Variants in GPATCH8 observed in about 807,000 individuals in gnomAD.
GPATCH8 encodes G-patch domain containing 8, also known as G patch domain-containing protein 8.
GPATCH8 carries 18 observed loss-of-function variants against 118.3 expected under a neutral mutation model. That is an observed-to-expected ratio of 0.15 (90% CI 0.11 to 0.23). The LOEUF is 0.23. Ranked by LOEUF, GPATCH8 falls within the 10% of genes least tolerant of loss-of-function variation. GPATCH8 has a pLI of 1.00. For missense variants in GPATCH8, 1,631 were observed against 1,873.8 expected, an observed-to-expected ratio of 0.87 and a Z score of 2.39; for synonymous variants, 659 against 684.7, an observed-to-expected ratio of 0.96 and a Z score of 0.59.
intron 5 of GPATCH8, among the ~76,000 whole-genome samples, chr17:44,431,340 C>A (rs1337890033): frequency 7.0e-6 from 1 of 143,332 alleles, no homozygotes; most frequent in South Asian, 2.2e-4. Context: ...TGCCATTGCA[C>A]TCCAGCCTGG....
Position 44,413,569 on chromosome 17 carries a change from G to A in GPATCH8, c.493-7518C>T, listed in dbSNP as rs368143572. Among the ~76,000 whole-genome samples the A allele has an allele frequency of 2.6e-5, 4 of 152,198 alleles. No homozygotes were observed. In the South Asian group the frequency reaches 6.2e-4, roughly 24 times the overall value. On this transcript the variant is annotated intron_variant, in intron 6 of 7. Coordinates refer to ENST00000591680, the MANE Select transcript of GPATCH8 (RefSeq NM_001002909.4). ...CGATCTTGGCTCACTGCAACCTCCC[G>A]AGTTCAAGCGATTCTCCTGCCTCAG...
chr17:44,405,551 C>T (rs1349107669), intron 7 of GPATCH8, among the ~76,000 whole-genome samples: 6 of 149,284 alleles, frequency 4.0e-5, no homozygotes, highest in Admixed American at 3.4e-4. Context: ...GTCGCCCAGG[C>T]TGGAGTACAG....
intron 6 of GPATCH8, among the ~76,000 whole-genome samples, chr17:44,415,314 G>A (rs1400546538): frequency 2.0e-5 from 3 of 152,130 alleles, no homozygotes; most frequent in Admixed American, 2.0e-4. Flanking sequence ...TACAGGTTGA[G>A]TATCCCGTAT....
rs967569385 is a variant in GPATCH8, at chr17:44,395,990, A to G, written c.*1578T>C. ...GTCAGTGTCATGGGAGAAAAGAAACAAGGAACGTTTACTGTCTAAACTGAG... is the reference window on the plus strand; with the variant it reads ...GTCAGTGTCATGGGAGAAAAGAAACGAGGAACGTTTACTGTCTAAACTGAG... On this transcript the variant is annotated 3_prime_UTR_variant, in exon 8 of 8. Transcript: ENST00000591680. The G allele has an allele frequency of 2.2e-6, 1 of 454,380 alleles. No individual in the cohort carries two copies. Among genetic ancestry groups the G allele is most frequent in the Non-Finnish European group, 4.4e-6 (1 of 226,792 alleles). 28.1% of individuals were successfully genotyped at this position (454,380 alleles called of 1,614,324 possible). A position where few individuals can be genotyped will look rare whatever the true frequency, so the allele number is the denominator to read the frequency against.
chr17:44,402,557 G>C (rs745556736), intron 7 of GPATCH8, among the ~76,000 whole-genome samples: 45 of 152,182 alleles, frequency 3.0e-4, no homozygotes, highest in Non-Finnish European at 5.0e-4. Flanking sequence ...GCTGAGGAGG[G>C]AGGATTGCTC....
At chr17:44,459,585 G>C (rs2051467527) in intron 3 of GPATCH8, among the ~76,000 whole-genome samples, 1 of 152,160 alleles carries the variant, frequency 6.6e-6, no homozygotes, top group Non-Finnish European at 1.5e-5. Context: ...AAAAATTAGT[G>C]AGACTTCCTA....
In GPATCH8 at chr17:44,398,574, C is replaced by G. The variant is rs145111400; in HGVS notation, c.3503G>C (p.Arg1168Thr). 1.5e-5 allele frequency: 23 copies of G among 1,565,026 alleles called. No individual in the cohort carries two copies. In the African/African-American group the frequency reaches 3.0e-4, roughly 21 times the overall value. Residue 1168 changes from arginine (R) to threonine (T), a missense_variant, in exon 8 of 8, where the codon AGG becomes ACG. Transcript: ENST00000591680. ...NKKCEESGLERGEEQEQSETE... is the reference protein window; with the variant it reads ...NKKCEESGLETGEEQEQSETE... ...CTCTGACTGTTCTTGCTCTTCCCCCCTTTCCAAGCCAGACTCTTCACACTT... is the reference window on the plus strand; with the variant it reads ...CTCTGACTGTTCTTGCTCTTCCCCCGTTTCCAAGCCAGACTCTTCACACTT...
rs2050707672 is a variant in GPATCH8, at chr17:44,441,990, C to T, written c.194-5445G>A. On this transcript the variant is annotated intron_variant, in intron 3 of 7. Transcript: ENST00000591680. ...TTGCAGTGAGCTGACATCGTACCATCGCACTCCAGACTGGGCAACAAGAGT... is the reference window on the plus strand; with the variant it reads ...TTGCAGTGAGCTGACATCGTACCATTGCACTCCAGACTGGGCAACAAGAGT... 1.3e-5 allele frequency among the ~76,000 whole-genome samples: 2 copies of T among 151,136 alleles called. 1 individual carries two copies. Among genetic ancestry groups the T allele is most frequent in the Admixed American group, 1.3e-4 (2 of 15,136 alleles).
At chr17:44,429,230 A>T (rs931220847) in intron 5 of GPATCH8, among the ~76,000 whole-genome samples, 1 of 152,206 alleles carries the variant, frequency 6.6e-6, no homozygotes, top group Non-Finnish European at 1.5e-5. Context: ...TATGCACAAC[A>T]TATATCAACA....
chr17:44,408,433 C>T (rs999054367), intron 6 of GPATCH8, among the ~76,000 whole-genome samples: 12 of 151,988 alleles, frequency 7.9e-5, no homozygotes, highest in Non-Finnish European at 1.0e-4. Flanking sequence ...GTGATCCGCC[C>T]GCCTCGGCTT....
chr17:44,481,840 G>A (rs1239567371), intron 1 of GPATCH8, among the ~76,000 whole-genome samples: 3 of 152,144 alleles, frequency 2.0e-5, no homozygotes, highest in African/African-American at 4.8e-5. Flanking sequence ...CATAGAACTA[G>A]GCTGGGCATG....
chr17:44,439,745 A>G (rs1420621129), intron 3 of GPATCH8, among the ~76,000 whole-genome samples: 4 of 152,172 alleles, frequency 2.6e-5, no homozygotes, highest in African/African-American at 9.7e-5. Flanking sequence ...GGTAGGTAGC[A>G]AGAGTGTCTG....
intron 2 of GPATCH8, among the ~76,000 whole-genome samples, chr17:44,467,813 G>A (rs1598575357): frequency 6.6e-6 from 1 of 152,076 alleles, no homozygotes; most frequent in Non-Finnish European, 1.5e-5. Context: ...TAAGGATGAC[G>A]GCTAACACAA....
chr17:44,402,471 TTTTA>T (rs2049063429), intron 7 of GPATCH8, among the ~76,000 whole-genome samples: 1 of 152,046 alleles, frequency 6.6e-6, no homozygotes, highest in Non-Finnish European at 1.5e-5. Context: ...TTCACATAGG[TTTTA>T]TTTCATTCAA....
chr17:44,497,103 A>G (rs1221717313), intron 1 of GPATCH8, among the ~76,000 whole-genome samples: 1 of 152,204 alleles, frequency 6.6e-6, no homozygotes, highest in Non-Finnish European at 1.5e-5. Context: ...CCAGACTTAC[A>G]AGCAAAAGTA....
Position 44,398,037 on chromosome 17 carries a change from G to T in GPATCH8, c.4040C>A (p.Ala1347Asp). The T allele has an allele frequency of 6.2e-7, 1 of 1,613,988 alleles. No individual in the cohort carries two copies. The highest frequency in any genetic ancestry group is 8.5e-7 in the Non-Finnish European group (1 of 1,179,884). ...GGCTGGTGTGGCTGGGGCCAGGGCA[G>T]CTGAGGCTGGAAAGGCCTTTACTTG... Reference protein sequence around the residue: ...AKQVKAFPASAALAPATPALQ... With the variant: ...AKQVKAFPASDALAPATPALQ... Residue 1347 changes from alanine (A) to aspartate (D), a missense_variant, in exon 8 of 8, where the codon GCT becomes GAT. This residue lies in a region of GPATCH8 where 111 missense variants were observed against 112.4 expected (regional missense o/e 0.99). Coordinates refer to ENST00000591680, the MANE Select transcript of GPATCH8 (RefSeq NM_001002909.4).
At chr17:44,440,554 T>G (rs1313270969) in intron 3 of GPATCH8, among the ~76,000 whole-genome samples, 1 of 152,208 alleles carries the variant, frequency 6.6e-6, no homozygotes, top group Non-Finnish European at 1.5e-5. Context: ...ATTACAAGTG[T>G]GAGCTGCACA....
Position 44,396,171 on chromosome 17 carries a change from C to G in GPATCH8, c.*1397G>C, listed in dbSNP as rs2048772609. ...TTAAAAAAAAAATTGTCAGAGGGGG[C>G]TAAGTACTAGGAAGGCAAATGGACT... On this transcript the variant is annotated 3_prime_UTR_variant, in exon 8 of 8. Transcript: ENST00000591680. The G allele has an allele frequency of 2.2e-6, 1 of 454,312 alleles. No homozygotes were observed. The allele number at this position is 454,312 out of a possible 1,614,324, so 28.1% of individuals were successfully genotyped here.
rs781491789 is a variant in GPATCH8, at chr17:44,398,412, G to A, written c.3665C>T (p.Ala1222Val). 6.2e-7 allele frequency: 1 copy of A among 1,613,828 alleles called. No individual in the cohort carries two copies. Among genetic ancestry groups the A allele is most frequent in the African/African-American group, 1.3e-5 (1 of 74,916 alleles). Reference protein sequence around the residue: ...SGEATADHPVAPLGTPAHSDC... With the variant: ...SGEATADHPVVPLGTPAHSDC... The stretch of plus-strand genomic sequence containing the variant: ...AGAATGTGCTGGGGTGCCTAGTGGA[G>A]CCACAGGGTGATCAGCAGTAGCTTC... Residue 1222 changes from alanine to valine, a missense_variant, in exon 8 of 8, where the codon GCT (alanine) becomes GTT (valine). Physicochemically the swap from Ala to Val is moderately conservative, Grantham distance 64. Transcript: ENST00000591680.
Sources: gnomAD v4.1 joint callset for allele counts (sites outside exome capture counted in the v4.1 genomes callset) on GRCh38, gnomAD v4.1.1 for gene constraint, gnomAD v4.1.1 regional missense constraint, MANE v1.5 for transcripts, NCBI Gene and HGNC (gene_info 2026-07-23, HGNC 2026-07-21) for gene names.